The following HYAL4 variants were observed in gnomAD, a reference collection of about 807,000 sequenced individuals.
HYAL4 encodes the protein hyaluronidase 4.
Under a neutral mutation model 35.2 loss-of-function variants are expected in HYAL4, and 37 were observed. The ratio of observed to expected loss-of-function variants is 1.05; its 90% CI spans 0.81 to 1.38. The LOEUF is 1.38. HYAL4 is among the 40% of genes most tolerant of loss of function. HYAL4 has a pLI of 0.00. For missense variants in HYAL4, 572 were observed against 572.4 expected (o/e 1.00, Z 0.01); for synonymous variants, 198 against 203.2 (o/e 0.97, Z 0.22).
At chr7:123,843,420 C>G (rs1806107790), upstream of HYAL4, among the ~76,000 whole-genome samples, 1 of 152,020 alleles carries the variant, frequency 6.6e-6, no homozygotes, top group South Asian at 2.1e-4. Flanking sequence ...TTCTCTCTGG[C>G]TGCTCTTAAC....
chr7:123,846,481 C>G (rs1199464082), intron 1 of HYAL4, among the ~76,000 whole-genome samples: 1 of 152,054 alleles, frequency 6.6e-6, no homozygotes, highest in African/African-American at 2.4e-5. Flanking sequence ...AAAGGCCAGT[C>G]TCACTCCCAC....
chr7:123,772,134 C>T, the HYAL4 span, among the ~76,000 whole-genome samples: 1 of 152,122 alleles, frequency 6.6e-6, no homozygotes, highest in South Asian at 2.1e-4. Context: ...TTCTCAGCCT[C>T]CATAATCATG....
intron 2 of HYAL4, among the ~76,000 whole-genome samples, chr7:123,852,072 T>A (rs947780075): frequency 6.6e-6 from 1 of 152,220 alleles, no homozygotes; most frequent in Non-Finnish European, 1.5e-5. Context: ...AGTTGCCCAC[T>A]TTTTGATGGG....
chr7:123,798,650 C>T, the HYAL4 span, among the ~76,000 whole-genome samples: 6 of 152,130 alleles, frequency 3.9e-5, no homozygotes, highest in Admixed American at 1.3e-4. Context: ...TTACTCCCTT[C>T]GTGGCATTCT....
chr7:123,838,401 G>C (rs1806002174), intron 1 of HYAL4, among the ~76,000 whole-genome samples: 1 of 151,876 alleles, frequency 6.6e-6, no homozygotes. Context: ...CTACGTATGG[G>C]CTTATGTCAA....
At chr7:123,853,934 C>G (rs534078174) in intron 2 of HYAL4, among the ~76,000 whole-genome samples, 1 of 152,186 alleles carries the variant, frequency 6.6e-6, no homozygotes, top group African/African-American at 2.4e-5. Flanking sequence ...AGGGATTTGA[C>G]TTCTTCCTGG....
the HYAL4 span, among the ~76,000 whole-genome samples, chr7:123,789,276 G>A: frequency 5.3e-5 from 8 of 152,180 alleles, no homozygotes; most frequent in African/African-American, 1.7e-4. Flanking sequence ...TTTAGGAGCG[G>A]TAGTGACCAT....
chr7:123,814,447 T>C, the HYAL4 span: 1 of 152,628 alleles, frequency 6.6e-6, no homozygotes, highest in African/African-American at 2.4e-5. Context: ...TACCGCAGAA[T>C]GTGAGCCTTT....
At chr7:123,801,150 A>G in the HYAL4 span, among the ~76,000 whole-genome samples, 1 of 152,142 alleles carries the variant, frequency 6.6e-6, no homozygotes, top group South Asian at 2.1e-4. Flanking sequence ...CCCTGTCTCT[A>G]CTAAAAATAC....
the HYAL4 span, among the ~76,000 whole-genome samples, chr7:123,805,498 A>G: frequency 6.6e-6 from 1 of 152,196 alleles, no homozygotes; most frequent in Non-Finnish European, 1.5e-5. Context: ...AGTGATAGGT[A>G]TGAAATGTAA....
chr7:123,857,351 G>A (rs1806464638), intron 2 of HYAL4, among the ~76,000 whole-genome samples: 1 of 152,176 alleles, frequency 6.6e-6, no homozygotes, highest in African/African-American at 2.4e-5. Context: ...AGGTTGCGAA[G>A]ACCATGGGAA....
intron 2 of HYAL4, among the ~76,000 whole-genome samples, chr7:123,848,713 C>G (rs144098325): frequency 6.6e-6 from 1 of 152,234 alleles, no homozygotes; most frequent in East Asian, 1.9e-4. Context: ...TACTTTTGCA[C>G]CATCTTTAAT....
chr7:123,766,598 C>T, the HYAL4 span, among the ~76,000 whole-genome samples: 1 of 151,988 alleles, frequency 6.6e-6, no homozygotes, highest in Non-Finnish European at 1.5e-5. Flanking sequence ...TAAGAAAAAA[C>T]ATTAAAAATT....
chr7:123,865,449 C>G (rs1057218854), intron 2 of HYAL4, among the ~76,000 whole-genome samples: 1 of 152,090 alleles, frequency 6.6e-6, no homozygotes, highest in African/African-American at 2.4e-5. Flanking sequence ...AAATACTATT[C>G]TCTTCAAATC....
upstream of HYAL4, chr7:123,845,136 G>C (rs7783430): frequency 2.1e-4 from 31 of 146,302 alleles, no homozygotes; most frequent in African/African-American, 7.7e-4. Context: ...GACTGGAGCT[G>C]TTCCTATTTG....
the HYAL4 span, among the ~76,000 whole-genome samples, chr7:123,808,544 T>C: frequency 2.0e-5 from 3 of 150,746 alleles, no homozygotes; most frequent in African/African-American, 7.3e-5. Context: ...TAAAGCCTCA[T>C]GCTCATTTTG....
the HYAL4 span, among the ~76,000 whole-genome samples, chr7:123,775,051 C>T: frequency 6.6e-6 from 1 of 152,302 alleles, no homozygotes; most frequent in South Asian, 2.1e-4. Context: ...TAGCTTAGTG[C>T]TTGTTGCATT....
the HYAL4 span, among the ~76,000 whole-genome samples, chr7:123,795,683 G>A: frequency 6.6e-6 from 1 of 152,190 alleles, no homozygotes; most frequent in Non-Finnish European, 1.5e-5. Flanking sequence ...AAGCCATGCT[G>A]AACTTAAGTC....
chr7:123,818,942 C>T, the HYAL4 span, among the ~76,000 whole-genome samples: 2 of 152,094 alleles, frequency 1.3e-5, no homozygotes, highest in Non-Finnish European at 2.9e-5. Context: ...ATTTTAAGAA[C>T]ATTTAATATC....
Sources: gnomAD v4.1 joint callset for allele counts (sites outside exome capture counted in the v4.1 genomes callset) on GRCh38, gnomAD v4.1.1 for gene constraint, MANE v1.5 for transcripts, NCBI Gene and HGNC (gene_info 2026-07-23, HGNC 2026-07-21) for gene names.